The following UGT1A10 variants were observed in gnomAD, a reference collection of about 807,000 sequenced individuals.
The protein encoded by UGT1A10 is UDP-glucuronosyltransferase 1A10.
UGT1A10 carries 49 observed loss-of-function variants against 45.8 expected under a neutral mutation model. That is an observed-to-expected ratio of 1.07 (90% CI 0.85 to 1.36). UGT1A10 has a LOEUF of 1.36. Ranked by LOEUF, UGT1A10 falls within the 40% of genes most tolerant of loss-of-function variation. The pLI, the probability that UGT1A10 is intolerant of heterozygous loss-of-function variation, is 0.00. For missense variants in UGT1A10, 745 were observed against 668.6 expected, an observed-to-expected ratio of 1.11 and a Z score of -1.26; for synonymous variants, 284 against 249.7, an observed-to-expected ratio of 1.14 and a Z score of -1.29.
chr2:233,714,710 CT>C (rs1032824553), intron 1 of UGT1A10, among the ~76,000 whole-genome samples: 9 of 152,108 alleles, frequency 5.9e-5, no homozygotes, highest in African/African-American at 1.4e-4. Context: ...TTTAACGTAG[CT>C]TTTTTTGTTG....
At chr2:233,673,181 T>C (rs2125503703) in intron 1 of UGT1A10, among the ~76,000 whole-genome samples, 1 of 152,322 alleles carries the variant, frequency 6.6e-6, no homozygotes, top group East Asian at 1.9e-4. Context: ...ATATACAATA[T>C]CTAATGTAAA....
rs554048784 is a variant in UGT1A10, at chr2:233,732,559, A to G, written c.856-34475A>G. ...TTTTCCCAGCACCATTTATTAAATA[A>G]GGAATCCTTTCCCCATTGCTTGTTT... On this transcript the variant is annotated intron_variant, in intron 1 of 4. Coordinates refer to ENST00000344644, the MANE Select transcript of UGT1A10 (RefSeq NM_019075.4). Among the ~76,000 whole-genome samples the G allele has an allele frequency of 2.5e-3, 374 of 152,298 alleles. 2 individuals are homozygous for G. The highest frequency in any genetic ancestry group is 8.6e-3 in the African/African-American group (358 of 41,564).
intron 1 of UGT1A10, among the ~76,000 whole-genome samples, chr2:233,759,591 C>G (rs984696431): frequency 2.0e-5 from 3 of 147,100 alleles, no homozygotes; most frequent in East Asian, 2.0e-4. Flanking sequence ...GCACGCCCCC[C>G]ACCCCCGACC....
intron 1 of UGT1A10, among the ~76,000 whole-genome samples, chr2:233,725,055 CGCGCGCCT>C (rs1021966862): frequency 1.4e-5 from 2 of 147,410 alleles, no homozygotes; most frequent in African/African-American, 5.1e-5. Flanking sequence ...GGCGTGGCGG[CGCGCGCCT>C]GCAATCGCAG....
At chr2:233,682,492 T>A in intron 1 of UGT1A10, 1 of 1,613,970 alleles carries the variant, frequency 6.2e-7, no homozygotes, top group South Asian at 1.1e-5. Flanking sequence ...AGTGCCCTGC[T>A]CCTCTTTCCT....
At chr2:233,743,457 A>C in intron 1 of UGT1A10, 1 of 1,366,076 alleles carries the variant, frequency 7.3e-7, no homozygotes. Context: ...AAGAAGAAAA[A>C]ACACCCCCAA....
At chr2:233,717,835 A>G (rs773677565) in intron 1 of UGT1A10, 3 of 455,164 alleles carry the variant, frequency 6.6e-6, no homozygotes, top group South Asian at 4.7e-5. Flanking sequence ...TTCTGGAGGA[A>G]CCATTCTTAT....
chr2:233,745,177 T>C (rs1693032562), intron 1 of UGT1A10, among the ~76,000 whole-genome samples: 1 of 151,880 alleles, frequency 6.6e-6, no homozygotes, highest in South Asian at 2.1e-4. Flanking sequence ...TTATTCACTT[T>C]TCTTGACTGC....
At chr2:233,640,640 G>C (rs1452873149) in intron 1 of UGT1A10, among the ~76,000 whole-genome samples, 1 of 152,150 alleles carries the variant, frequency 6.6e-6, no homozygotes, top group Non-Finnish European at 1.5e-5. Flanking sequence ...GGAGAGAACA[G>C]TCTCTTTTTT....
At chr2:233,645,135 G>A (rs951984234) in intron 1 of UGT1A10, among the ~76,000 whole-genome samples, 1 of 152,076 alleles carries the variant, frequency 6.6e-6, no homozygotes, top group South Asian at 2.1e-4. Flanking sequence ...CTGCCTTCAG[G>A]GACAAAGCAT....
At chr2:233,693,300 T>G in intron 1 of UGT1A10, 1 of 1,614,182 alleles carries the variant, frequency 6.2e-7, no homozygotes, top group East Asian at 2.2e-5. Flanking sequence ...AACAATCACT[T>G]TGCTGAGCGA....
At position 233,768,314 on chromosome 2, in the gene UGT1A10, G is replaced by T. The variant is rs1430980091; in HGVS notation, c.1170G>T (p.Leu390Phe). The T allele has an allele frequency of 6.2e-7, 1 of 1,614,062 alleles. No individual in the cohort carries two copies. The highest frequency in any genetic ancestry group is 8.5e-7 in the Non-Finnish European group (1 of 1,180,048). Residue 390 changes from leucine (L) to phenylalanine (F), a missense_variant, in exon 4 of 5, where the codon TTG becomes TTT. Leu to Phe is a conservative substitution (Grantham distance 22). Transcript: ENST00000344644. ...CNGVPMVMMP[L>F]FGDQMDNAKR... is the part of the protein sequence containing the mutation. ...GCGTTCCCATGGTGATGATGCCCTT[G>T]TTTGGTGATCAGATGGACAATGCAA...
rs771390950 is a variant in UGT1A10, at chr2:233,729,756, G to T, written c.856-37278G>T. The T allele has an allele frequency of 1.9e-6, 3 of 1,613,874 alleles. No individual in the cohort carries two copies. The South Asian group carries it at 3.3e-5, about 18-fold the overall frequency. On this transcript the variant is annotated intron_variant, in intron 1 of 4. Transcript: ENST00000344644. ...CAGACCACATGACATTCATGCAAAG[G>T]GTCAAGAACATGCTCTACCCTCTGG... is the stretch of plus-strand genomic sequence containing the variant.
intron 1 of UGT1A10, chr2:233,713,713 G>A: frequency 6.2e-7 from 1 of 1,613,962 alleles, no homozygotes; most frequent in Non-Finnish European, 8.5e-7. Context: ...CTTTTTCAGA[G>A]AGAGGTGTCA....
intron 1 of UGT1A10, among the ~76,000 whole-genome samples, chr2:233,711,406 G>T (rs931347062): frequency 6.6e-6 from 1 of 152,222 alleles, no homozygotes; most frequent in Non-Finnish European, 1.5e-5. Flanking sequence ...CCTCACCCCG[G>T]GCTCATCAGG....
intron 1 of UGT1A10, among the ~76,000 whole-genome samples, chr2:233,651,565 A>G (rs1215379651): frequency 2.0e-5 from 3 of 152,230 alleles, no homozygotes; most frequent in Admixed American, 6.5e-5. Context: ...CAGATATCAA[A>G]GAGTGCCCTT....
At chr2:233,669,346 A>G (rs2074136165) in intron 1 of UGT1A10, among the ~76,000 whole-genome samples, 1 of 152,172 alleles carries the variant, frequency 6.6e-6, no homozygotes. Flanking sequence ...CAATTTGTAC[A>G]AAAAGATAGC....
intron 1 of UGT1A10, chr2:233,761,211 C>G (rs35802766): frequency 6.2e-7 from 1 of 1,613,738 alleles, no homozygotes; most frequent in East Asian, 2.2e-5. Flanking sequence ...TACTTTGGAT[C>G]GATTAACTAG....
At chr2:233,724,087 T>C in intron 1 of UGT1A10, among the ~76,000 whole-genome samples, 2 of 102,630 alleles carry the variant, frequency 1.9e-5, no homozygotes, top group East Asian at 2.4e-4. Flanking sequence ...GAGGGGCTCC[T>C]CACTTCCCAG....
Sources: gnomAD v4.1 joint callset for allele counts (sites outside exome capture counted in the v4.1 genomes callset) on GRCh38, gnomAD v4.1.1 for gene constraint, MANE v1.5 for transcripts, NCBI Gene and HGNC (gene_info 2026-07-23, HGNC 2026-07-21) for gene names.